The following SMYD3 variants were observed in gnomAD, a reference collection of about 807,000 sequenced individuals.
SMYD3 encodes histone-lysine N-methyltransferase SMYD3.
A neutral mutation model predicts 57.7 loss-of-function variants in SMYD3; 36 were observed. The ratio of observed to expected loss-of-function variants is 0.62; its 90% CI spans 0.48 to 0.82. SMYD3 has a LOEUF of 0.82. SMYD3 is among the 40% of genes least tolerant of loss of function. The probability of loss-of-function intolerance (pLI) is 0.00; values close to 1 mark genes in which losing one functional copy is unlikely to be tolerated. For missense variants in SMYD3, 515 were observed against 538.8 expected (o/e 0.96, Z 0.44); for synonymous variants, 211 against 195.0 (o/e 1.08, Z -0.68).
chr1:246,192,808 C>T (rs535622193), intron 5 of SMYD3, among the ~76,000 whole-genome samples: 5 of 151,764 alleles, frequency 3.3e-5, no homozygotes, highest in African/African-American at 4.8e-5. Context: ...TTAGCTCTCT[C>T]TAGGGAAAAA....
chr1:245,885,338 C>T (rs1372570784), intron 8 of SMYD3, among the ~76,000 whole-genome samples: 3 of 152,164 alleles, frequency 2.0e-5, no homozygotes, highest in African/African-American at 7.2e-5. Flanking sequence ...CCGGACACAC[C>T]ACCATGTTGA....
intron 5 of SMYD3, among the ~76,000 whole-genome samples, chr1:245,950,721 AAATGTGGCCAT>A (rs1323179153): frequency 1.3e-5 from 2 of 152,242 alleles, no homozygotes; most frequent in Non-Finnish European, 2.9e-5. Context: ...TGGTCTTGCC[AAATGTGGCCAT>A]ACTCTGGAGG....
chr1:246,036,145 G>C (rs1430161969), intron 5 of SMYD3, among the ~76,000 whole-genome samples: 2 of 152,208 alleles, frequency 1.3e-5, no homozygotes, highest in Non-Finnish European at 2.9e-5. Context: ...GGTTGAAGAG[G>C]AGACAGGGCT....
chr1:246,287,574 T>C (rs530131340), intron 5 of SMYD3, among the ~76,000 whole-genome samples: 95 of 152,270 alleles, frequency 6.2e-4, no homozygotes, highest in Non-Finnish European at 1.0e-3. Flanking sequence ...CTTTGCCTAT[T>C]ACCACATCTC....
intron 8 of SMYD3, among the ~76,000 whole-genome samples, chr1:245,876,322 C>T (rs571367656): frequency 3.9e-5 from 6 of 152,236 alleles, no homozygotes; most frequent in South Asian, 2.1e-4. Context: ...CGGGTTCCAT[C>T]GAGGCAAATG....
intron 10 of SMYD3, among the ~76,000 whole-genome samples, chr1:245,827,187 G>T (rs1464714199): frequency 2.0e-5 from 3 of 152,096 alleles, no homozygotes; most frequent in Admixed American, 6.5e-5. Context: ...CACGTTCAAG[G>T]CCACACTGCT....
chr1:245,808,257 GTC>G (rs2048289651), intron 10 of SMYD3, among the ~76,000 whole-genome samples: 1 of 152,088 alleles, frequency 6.6e-6, no homozygotes. Context: ...TTGTTTCTTT[GTC>G]TCTCAGAGCC....
intron 10 of SMYD3, among the ~76,000 whole-genome samples, chr1:245,829,511 C>G (rs1005220179): frequency 6.6e-6 from 1 of 152,052 alleles, no homozygotes; most frequent in Admixed American, 6.5e-5. Context: ...TGGAGAGGTA[C>G]TCTCCGTATT....
At chr1:245,940,505 C>A (rs767587039) in intron 5 of SMYD3, among the ~76,000 whole-genome samples, 2 of 152,044 alleles carry the variant, frequency 1.3e-5, no homozygotes, top group Non-Finnish European at 2.9e-5. Context: ...CAGGTGAATA[C>A]GGTCTGGAAT....
intron 11 of SMYD3, among the ~76,000 whole-genome samples, chr1:245,757,446 A>G (rs556268908): frequency 3.9e-4 from 60 of 152,180 alleles, no homozygotes; most frequent in Admixed American, 3.4e-3. Flanking sequence ...CAATTTGTTT[A>G]TATTTTCTTT....
At chr1:246,462,209 G>A (rs1187354856) in intron 1 of SMYD3, among the ~76,000 whole-genome samples, 5 of 129,674 alleles carry the variant, frequency 3.9e-5, no homozygotes, top group Non-Finnish European at 6.9e-5. Flanking sequence ...CTCCCGCGGG[G>A]CCTGCTGGGT....
chr1:245,972,487 C>A (rs1256414124), intron 5 of SMYD3, among the ~76,000 whole-genome samples: 1 of 152,242 alleles, frequency 6.6e-6, no homozygotes, highest in East Asian at 1.9e-4. Context: ...ATTTCTAATT[C>A]ATCATCTGGA....
At chr1:245,953,626 G>C (rs1394761078) in intron 5 of SMYD3, among the ~76,000 whole-genome samples, 1 of 152,026 alleles carries the variant, frequency 6.6e-6, no homozygotes. Context: ...TCACCATCTT[G>C]GCCAGGCTGA....
At chr1:246,492,938 T>C (rs566956397) in intron 1 of SMYD3, among the ~76,000 whole-genome samples, 3 of 152,342 alleles carry the variant, frequency 2.0e-5, no homozygotes, top group Non-Finnish European at 2.9e-5. Context: ...TTAATCCTTA[T>C]GTTTTCCTCT....
intron 1 of SMYD3, among the ~76,000 whole-genome samples, chr1:246,479,457 G>C (rs1179219631): frequency 6.6e-6 from 1 of 150,932 alleles, no homozygotes; most frequent in African/African-American, 2.4e-5. Context: ...TGTGGATTAG[G>C]TGTTAAAATG....
In SMYD3 at chr1:246,203,425, G is replaced by A. The variant is rs2062949950; in HGVS notation, c.531+123776C>T. ...CCATAACAGAATACTACAGACTGGT[G>A]GCTGAAACAACAGCAACTGATTCTC... On this transcript the variant is annotated intron_variant, in intron 5 of 11. Coordinates refer to ENST00000490107, the MANE Select transcript of SMYD3 (RefSeq NM_001167740.2). This position sits in a 1 kb window ranked among gnomAD's most constrained non-coding sequence, Gnocchi z 4.6. Among the ~76,000 whole-genome samples the A allele has an allele frequency of 1.3e-5, 2 of 152,184 alleles. No homozygotes were observed. Among genetic ancestry groups the A allele is most frequent in the Admixed American group, 1.3e-4 (2 of 15,284 alleles).
At chr1:245,792,776 G>T (rs1194374899) in intron 10 of SMYD3, among the ~76,000 whole-genome samples, 1 of 152,096 alleles carries the variant, frequency 6.6e-6, no homozygotes, top group Non-Finnish European at 1.5e-5. Flanking sequence ...GCAGGGTTTG[G>T]GTGGACGAAG....
intron 5 of SMYD3, among the ~76,000 whole-genome samples, chr1:246,287,070 C>T (rs2064583399): frequency 6.6e-6 from 1 of 151,974 alleles, no homozygotes; most frequent in Admixed American, 6.6e-5. Context: ...CAGGGTTTCA[C>T]CATGTTGGCC....
chr1:246,217,134 T>A (rs2063176811), intron 5 of SMYD3, among the ~76,000 whole-genome samples: 1 of 152,106 alleles, frequency 6.6e-6, no homozygotes, highest in Non-Finnish European at 1.5e-5. Context: ...TAGCCTAAAT[T>A]TATATTATCT....
Sources: gnomAD v4.1 joint callset for allele counts (sites outside exome capture counted in the v4.1 genomes callset) on GRCh38, gnomAD v4.1.1 for gene constraint, Gnocchi (gnomAD v3.1) non-coding constraint, MANE v1.5 for transcripts, NCBI Gene and HGNC (gene_info 2026-07-23, HGNC 2026-07-21) for gene names.